Variants in NAALADL2 observed in about 807,000 individuals in gnomAD.
NAALADL2 encodes inactive N-acetylated-alpha-linked acidic dipeptidase-like protein 2.
Under a neutral mutation model 87.2 loss-of-function variants are expected in NAALADL2, and 76 were observed. That is an observed-to-expected ratio of 0.87 (90% CI 0.72 to 1.05). NAALADL2 has a LOEUF of 1.05. NAALADL2 is among the 50% of genes least tolerant of loss of function. The probability of loss-of-function intolerance (pLI) is 0.00; values close to 1 mark genes in which losing one functional copy is unlikely to be tolerated. For missense variants in NAALADL2, 1,089 were observed against 945.8 expected, an observed-to-expected ratio of 1.15 and a Z score of -1.99; for synonymous variants, 354 against 331.0, an observed-to-expected ratio of 1.07 and a Z score of -0.75.
At chr3:175,204,135 A>G (rs542380594) in intron 2 of NAALADL2, among the ~76,000 whole-genome samples, 6 of 152,300 alleles carry the variant, frequency 3.9e-5, no homozygotes, top group South Asian at 2.1e-4. Flanking sequence ...AGGAAGGGAC[A>G]TAAGCAAAAA....
intron 3 of NAALADL2, among the ~76,000 whole-genome samples, chr3:175,247,722 C>T (rs1176267543): frequency 6.6e-6 from 1 of 152,114 alleles, no homozygotes; most frequent in Non-Finnish European, 1.5e-5. Context: ...GAGCATTAAA[C>T]CAAGCAGGGA....
intron 1 of NAALADL2, among the ~76,000 whole-genome samples, chr3:174,987,798 ATATATATATATAAT>A (rs1381357506): frequency 4.5e-5 from 6 of 133,342 alleles, no homozygotes; most frequent in African/African-American, 6.9e-5. Context: ...GGTTAATTAT[ATATATATATATAAT>A]TATATATATA....
chr3:175,046,856 C>A (rs150591572), intron 1 of NAALADL2, among the ~76,000 whole-genome samples: 269 of 152,240 alleles, frequency 1.8e-3, no homozygotes, highest in African/African-American at 6.3e-3. Context: ...TAGAAGTCGG[C>A]CTTGGTCTGT....
At chr3:174,702,795 T>C (rs961316961) in intron 2 of NAALADL2, among the ~76,000 whole-genome samples, 3 of 152,224 alleles carry the variant, frequency 2.0e-5, no homozygotes, top group East Asian at 1.9e-4. Flanking sequence ...ATGTGGTCCA[T>C]CATTTACCAA....
At chr3:175,779,746 G>A (rs1750754473) in intron 13 of NAALADL2, among the ~76,000 whole-genome samples, 2 of 152,180 alleles carry the variant, frequency 1.3e-5, no homozygotes, top group African/African-American at 4.8e-5. Context: ...GGCTGCTGTG[G>A]AAATTTTCAA....
intron 11 of NAALADL2, among the ~76,000 whole-genome samples, chr3:175,691,262 T>C (rs958742249): frequency 2.0e-5 from 3 of 150,864 alleles, no homozygotes; most frequent in Admixed American, 6.6e-5. Context: ...AGATAATATA[T>C]ATATATATAC....
intron 1 of NAALADL2, among the ~76,000 whole-genome samples, chr3:174,528,652 T>C (rs1012821528): frequency 1.3e-5 from 2 of 152,088 alleles, no homozygotes; most frequent in Non-Finnish European, 2.9e-5. Context: ...CACTGCGCAA[T>C]TTACAAAAGA....
chr3:174,441,116 T>C (rs1464418879), intron 1 of NAALADL2: 2 of 152,230 alleles, frequency 1.3e-5, no homozygotes, highest in African/African-American at 4.8e-5. Flanking sequence ...GAGCGGTCCG[T>C]GTCTCCTTGC....
At chr3:175,289,363 A>T (rs12630506) in intron 4 of NAALADL2, among the ~76,000 whole-genome samples, 112,905 of 151,590 alleles carry the variant, frequency 0.74, 42,493 homozygotes, top group Non-Finnish European at 0.79. Flanking sequence ...TATAAGTACA[A>T]TAATAGATGT....
At chr3:175,149,242 A>T (rs947787785) in intron 2 of NAALADL2, among the ~76,000 whole-genome samples, 11 of 152,154 alleles carry the variant, frequency 7.2e-5, no homozygotes, top group African/African-American at 2.7e-4. Flanking sequence ...TAAAATGTTC[A>T]GTTAAGCATA....
upstream of NAALADL2, among the ~76,000 whole-genome samples, chr3:174,856,802 G>T (rs116290609): frequency 1.5e-5 from 2 of 136,960 alleles, no homozygotes; most frequent in East Asian, 2.3e-4. Flanking sequence ...GAAGGAAAGA[G>T]AAATCTGTGC....
intron 1 of NAALADL2, among the ~76,000 whole-genome samples, chr3:175,025,276 A>G (rs959685790): frequency 6.6e-6 from 1 of 152,078 alleles, no homozygotes; most frequent in Admixed American, 6.6e-5. Context: ...TGCATTTTAT[A>G]TTTTGTCAGG....
At chr3:175,687,272 C>G (rs1409996117) in intron 11 of NAALADL2, among the ~76,000 whole-genome samples, 1 of 152,052 alleles carries the variant, frequency 6.6e-6, no homozygotes, top group South Asian at 2.1e-4. Context: ...AAATAACTCT[C>G]ATATATAGAT....
chr3:174,716,657 C>G (rs1731219472), intron 2 of NAALADL2, among the ~76,000 whole-genome samples: 1 of 151,718 alleles, frequency 6.6e-6, no homozygotes, highest in South Asian at 2.1e-4. Context: ...AAAAAATAGA[C>G]CCTGTCTCAG....
chr3:174,997,056 A>ATT (rs1747588604), intron 1 of NAALADL2, among the ~76,000 whole-genome samples: 4 of 141,022 alleles, frequency 2.8e-5, no homozygotes, highest in African/African-American at 8.6e-5. Context: ...ATATATATAT[A>ATT]TATTTTTTTT....
chr3:175,122,319 T>C (rs1434938282), intron 2 of NAALADL2, among the ~76,000 whole-genome samples: 1 of 151,874 alleles, frequency 6.6e-6, no homozygotes, highest in South Asian at 2.1e-4. Flanking sequence ...TGTATGAATA[T>C]CCAGTGCAAT....
rs12490612 is a variant in NAALADL2, at chr3:175,336,052, C to T, written c.1090+11727C>T. ...GATTGTGACTTATATACGTGCATAC[C>T]CCTCCATATGATTATTGAATACCCT... On this transcript the variant is annotated intron_variant, in intron 5 of 13. Coordinates refer to ENST00000454872, the MANE Select transcript of NAALADL2 (RefSeq NM_207015.3). Among the ~76,000 whole-genome samples, 96 of 152,050 alleles carry T rather than the reference C, an allele frequency of 6.3e-4. 1 individual carries two copies. Among genetic ancestry groups the T allele is most frequent in the Admixed American group, 5.2e-3 (79 of 15,240 alleles).
Position 175,627,280 on chromosome 3 carries a change from A to T in NAALADL2, c.1801-11A>T. On this transcript the variant is annotated splice_polypyrimidine_tract_variant and intron_variant, in intron 10 of 13. Transcript: ENST00000454872. ...AAGAGTTTTAAATGTTTCTTTTTTGATTTGCCGCAGGGTCCAAGTTTTCTC... is the reference window on the plus strand; with the variant it reads ...AAGAGTTTTAAATGTTTCTTTTTTGTTTTGCCGCAGGGTCCAAGTTTTCTC... 6.5e-7 allele frequency: 1 copy of T among 1,541,724 alleles called. No individual in the cohort carries two copies. Among genetic ancestry groups the T allele is most frequent in the Non-Finnish European group, 8.8e-7 (1 of 1,141,902 alleles).
At chr3:174,566,662 G>A (rs1260217210) in intron 2 of NAALADL2, among the ~76,000 whole-genome samples, 1 of 149,480 alleles carries the variant, frequency 6.7e-6, no homozygotes, top group Non-Finnish European at 1.5e-5. Flanking sequence ...TTTCTATCTT[G>A]TTTATGATCT....
Sources: allele counts gnomAD v4.1 joint callset (sites outside exome capture counted in the v4.1 genomes callset), GRCh38; gene constraint gnomAD v4.1.1; transcripts MANE v1.5; gene names NCBI Gene and HGNC (gene_info 2026-07-23, HGNC 2026-07-21).